PIBF1: variants seen among roughly 807,000 people sequenced by gnomAD.
PIBF1 encodes progesterone-induced-blocking factor 1.
PIBF1 carries 90 observed loss-of-function variants against 112.5 expected under a neutral mutation model. The ratio of observed to expected loss-of-function variants is 0.80; its 90% CI spans 0.67 to 0.95. The LOEUF is 0.95. PIBF1 is among the 40% of genes least tolerant of loss of function. The pLI is 0.00. For synonymous variants in PIBF1, 301 were observed against 288.6 expected, an observed-to-expected ratio of 1.04 and a Z score of -0.44; for missense variants, 915 against 852.3, an observed-to-expected ratio of 1.07 and a Z score of -0.92.
At chr13:72,977,501 C>A (rs1355258773) in intron 16 of PIBF1, among the ~76,000 whole-genome samples, 6 of 152,228 alleles carry the variant, frequency 3.9e-5, no homozygotes, top group Non-Finnish European at 5.9e-5. Flanking sequence ...AGCCACTGCA[C>A]CCAGCCTAGC....
At chr13:72,931,052 A>G in intron 13 of PIBF1, 113 bp from the exon 14 acceptor site, 1 of 649,834 alleles carries the variant, frequency 1.5e-6, no homozygotes, top group Non-Finnish European at 2.7e-6. Context: ...TTTTCTGTTA[A>G]TATTTAAGTA....
intron 4 of PIBF1, among the ~76,000 whole-genome samples, chr13:72,796,584 C>A (rs1040408721): frequency 1.4e-4 from 21 of 149,956 alleles, no homozygotes; most frequent in African/African-American, 4.9e-4. Context: ...ATTCTTGGTT[C>A]TCATTGGGAA....
At chr13:72,931,863 G>T (rs1478514283) in intron 14 of PIBF1, among the ~76,000 whole-genome samples, 1 of 147,936 alleles carries the variant, frequency 6.8e-6, no homozygotes, top group Admixed American at 6.8e-5. Flanking sequence ...CTTTGCTAAT[G>T]TTCCTTTTAT....
chr13:72,871,660 C>T (rs1004534054), intron 10 of PIBF1, among the ~76,000 whole-genome samples: 3 of 152,154 alleles, frequency 2.0e-5, no homozygotes, highest in Non-Finnish European at 2.9e-5. Flanking sequence ...CCTTCCACAT[C>T]ATCTTTTCCT....
chr13:72,912,683 T>C (rs375296927), intron 12 of PIBF1, among the ~76,000 whole-genome samples: 5 of 152,184 alleles, frequency 3.3e-5, no homozygotes, highest in African/African-American at 1.2e-4. Context: ...GTATTCATAA[T>C]AGTCAAAAAC....
chr13:72,997,010 T>A (rs2043696377), intron 16 of PIBF1, among the ~76,000 whole-genome samples: 5 of 152,226 alleles, frequency 3.3e-5, no homozygotes, highest in Admixed American at 2.6e-4. Flanking sequence ...AAAGTGGTAC[T>A]GTGACAACAC....
intron 16 of PIBF1, among the ~76,000 whole-genome samples, chr13:72,995,277 G>A (rs894613824): frequency 6.6e-6 from 1 of 151,066 alleles, no homozygotes; most frequent in Non-Finnish European, 1.5e-5. Context: ...CTCCAACCTG[G>A]GCGACAGAAT....
chr13:72,791,158 G>A (rs996775595), intron 2 of PIBF1, among the ~76,000 whole-genome samples: 9 of 151,998 alleles, frequency 5.9e-5, no homozygotes, highest in East Asian at 1.9e-4. Context: ...GGGTTCACGC[G>A]ATTCTCCTGC....
chr13:72,909,430 C>T (rs901154554), intron 12 of PIBF1, among the ~76,000 whole-genome samples: 2 of 151,744 alleles, frequency 1.3e-5, no homozygotes, highest in Admixed American at 6.6e-5. Flanking sequence ...TTAATTAATC[C>T]CACCTTTAAA....
chr13:72,904,650 A>G (rs1293876810), intron 11 of PIBF1, among the ~76,000 whole-genome samples: 2 of 151,654 alleles, frequency 1.3e-5, no homozygotes, highest in East Asian at 1.9e-4. Flanking sequence ...CGTGTTGGCC[A>G]TGCTGATCTC....
chr13:72,917,566 A>G (rs536294766), intron 13 of PIBF1, among the ~76,000 whole-genome samples: 3 of 152,218 alleles, frequency 2.0e-5, no homozygotes, highest in African/African-American at 7.2e-5. Context: ...TTTGGAATTA[A>G]TGCATATATT....
chr13:72,865,499 A>G (rs536753861), intron 10 of PIBF1, among the ~76,000 whole-genome samples: 6 of 152,194 alleles, frequency 3.9e-5, no homozygotes, highest in African/African-American at 4.8e-5. Context: ...TCAGTGGCCA[A>G]TCTATCTACT....
At chr13:72,939,305 A>G (rs1023898200) in intron 14 of PIBF1, among the ~76,000 whole-genome samples, 1 of 152,194 alleles carries the variant, frequency 6.6e-6, no homozygotes, top group Non-Finnish European at 1.5e-5. Context: ...GTGTTGTACA[A>G]TCACTATCTC....
intron 2 of PIBF1, among the ~76,000 whole-genome samples, chr13:72,789,252 A>ACAGC (rs1473353053): frequency 6.6e-6 from 1 of 152,054 alleles, no homozygotes; most frequent in Non-Finnish European, 1.5e-5. Flanking sequence ...TGGCTTGATC[A>ACAGC]CAGCTCTCTG....
intron 5 of PIBF1, among the ~76,000 whole-genome samples, chr13:72,813,941 T>C (rs1009447794): frequency 3.3e-5 from 5 of 152,096 alleles, no homozygotes; most frequent in African/African-American, 1.2e-4. Context: ...GAACAGATTG[T>C]CGGCAGAGCT....
At chr13:72,910,415 C>G (rs1381708016) in intron 12 of PIBF1, among the ~76,000 whole-genome samples, 1 of 152,170 alleles carries the variant, frequency 6.6e-6, no homozygotes, top group Non-Finnish European at 1.5e-5. Flanking sequence ...TTGAAAGTTT[C>G]ATACTCTTTC....
At chr13:73,012,758 C>CAAGAAT (rs140367218) in intron 17 of PIBF1, among the ~76,000 whole-genome samples, 3 of 147,492 alleles carry the variant, frequency 2.0e-5, no homozygotes, top group Non-Finnish European at 4.5e-5. Flanking sequence ...CTGTCTCCAC[C>CAAGAAT]AATAATAATA....
intron 9 of PIBF1, among the ~76,000 whole-genome samples, chr13:72,843,849 G>A (rs1394311760): frequency 6.6e-6 from 1 of 152,172 alleles, no homozygotes; most frequent in Non-Finnish European, 1.5e-5. Context: ...ATTAGTAGAA[G>A]GAACCCTAAG....
At chr13:72,793,611 G>C (rs1338065128) in intron 3 of PIBF1, among the ~76,000 whole-genome samples, 1 of 152,202 alleles carries the variant, frequency 6.6e-6, no homozygotes, top group Non-Finnish European at 1.5e-5. Context: ...ATATCAGATT[G>C]AATGATGCTG....
Sources: gnomAD v4.1 joint callset for allele counts (sites outside exome capture counted in the v4.1 genomes callset) on GRCh38, gnomAD v4.1.1 for gene constraint, MANE v1.5 for transcripts, NCBI Gene and HGNC (gene_info 2026-07-23, HGNC 2026-07-21) for gene names.